Variants in SNTG1 observed in about 807,000 individuals in gnomAD.
SNTG1 encodes the protein syntrophin gamma 1, also known as gamma-1-syntrophin.
SNTG1 carries 39 observed loss-of-function variants against 74.7 expected under a neutral mutation model. The ratio of observed to expected loss-of-function variants is 0.52; its 90% CI spans 0.40 to 0.68. The LOEUF (loss-of-function observed/expected upper bound fraction) is 0.68. Ranked by LOEUF, SNTG1 falls within the 30% of genes least tolerant of loss-of-function variation. The probability of loss-of-function intolerance (pLI) is 0.00; values close to 1 mark genes in which losing one functional copy is unlikely to be tolerated. For missense variants in SNTG1, 685 were observed against 609.5 expected, an observed-to-expected ratio of 1.12 and a Z score of -1.30; for synonymous variants, 254 against 217.1, an observed-to-expected ratio of 1.17 and a Z score of -1.49.
chr8:49,967,648 A>C (rs1377113517), intron 1 of SNTG1, among the ~76,000 whole-genome samples: 2 of 152,216 alleles, frequency 1.3e-5, no homozygotes, highest in Non-Finnish European at 2.9e-5. Flanking sequence ...TGCCTTCACC[A>C]TAAGAGTGCC....
intron 12 of SNTG1, among the ~76,000 whole-genome samples, chr8:50,576,446 G>A (rs1179873566): frequency 6.6e-6 from 1 of 152,158 alleles, no homozygotes; most frequent in Admixed American, 6.5e-5. Context: ...GGCAATTCGG[G>A]AGGGCCCTTG....
intron 1 of SNTG1, among the ~76,000 whole-genome samples, chr8:50,065,663 C>T (rs1159677604): frequency 1.3e-5 from 2 of 152,088 alleles, no homozygotes; most frequent in Non-Finnish European, 2.9e-5. Flanking sequence ...AACCACTGAT[C>T]CAACAGAATG....
At chr8:50,701,028 AAAATCTTACATGAAGTCC>A (rs2095421819) in intron 15 of SNTG1, among the ~76,000 whole-genome samples, 1 of 152,212 alleles carries the variant, frequency 6.6e-6, no homozygotes, top group Non-Finnish European at 1.5e-5. Context: ...AAGAGAATAG[AAAATCTTACATGAAGTCC>A]ATTTTAAGAT....
intron 2 of SNTG1, among the ~76,000 whole-genome samples, chr8:50,316,945 T>G (rs2090339968): frequency 6.6e-6 from 1 of 152,216 alleles, no homozygotes; most frequent in South Asian, 2.1e-4. Context: ...ATAAATATGT[T>G]TTTAAATGAA....
intron 1 of SNTG1, among the ~76,000 whole-genome samples, chr8:50,103,446 T>G (rs2080230194): frequency 1.3e-5 from 2 of 152,330 alleles, no homozygotes; most frequent in South Asian, 4.1e-4. Context: ...CTTATCAGCT[T>G]AAGGAGATTT....
intron 2 of SNTG1, among the ~76,000 whole-genome samples, chr8:50,329,521 C>A (rs2090878653): frequency 6.6e-6 from 1 of 152,076 alleles, no homozygotes; most frequent in Non-Finnish European, 1.5e-5. Flanking sequence ...TTGGCCCTTG[C>A]ACCCTCTAAA....
chr8:49,998,197 G>A (rs1028416235), intron 1 of SNTG1, among the ~76,000 whole-genome samples: 12 of 151,976 alleles, frequency 7.9e-5, no homozygotes, highest in African/African-American at 2.7e-4. Context: ...GATCAATAAC[G>A]GTATGCTTAT....
Position 49,917,808 on chromosome 8 carries a change from C to A in SNTG1, c.-103+5577C>A, listed in dbSNP as rs149447910. Among the ~76,000 whole-genome samples the A allele has an allele frequency of 2.8e-3, 424 of 152,210 alleles. 1 individual carries two copies. The highest frequency in any genetic ancestry group is 9.9e-3 in the African/African-American group (412 of 41,528). On this transcript the variant is annotated intron_variant, in intron 1 of 18. Transcript: ENST00000642720. ...AAATGCCCTCAGGGTGCAGGCAGTT[C>A]ATGTAAGGAGGGAGGCTAGCCAGTG...
chr8:50,016,407 A>G (rs1816318006), intron 1 of SNTG1, among the ~76,000 whole-genome samples: 1 of 152,122 alleles, frequency 6.6e-6, no homozygotes, highest in African/African-American at 2.4e-5. Context: ...CCAAAGGACC[A>G]TAGAGTGGTC....
chr8:50,592,911 ATAGT>A (rs1294036043), intron 13 of SNTG1, among the ~76,000 whole-genome samples: 4 of 152,142 alleles, frequency 2.6e-5, no homozygotes, highest in South Asian at 2.1e-4. Flanking sequence ...GGATTAATTT[ATAGT>A]TAAACATTTA....
intron 8 of SNTG1, among the ~76,000 whole-genome samples, chr8:50,453,474 C>A (rs528420058): frequency 6.6e-6 from 1 of 152,286 alleles, no homozygotes; most frequent in East Asian, 1.9e-4. Context: ...GTGCCCAGCA[C>A]CGCTTGGCAT....
intron 11 of SNTG1, among the ~76,000 whole-genome samples, chr8:50,538,262 TTA>T (rs2094321600): frequency 6.6e-6 from 1 of 152,142 alleles, no homozygotes; most frequent in Non-Finnish European, 1.5e-5. Context: ...TCGGGTGGTA[TTA>T]TGAGTTTTGC....
At chr8:50,730,128 A>G (rs1228524579) in intron 17 of SNTG1, among the ~76,000 whole-genome samples, 1 of 152,220 alleles carries the variant, frequency 6.6e-6, no homozygotes, top group East Asian at 1.9e-4. Context: ...GTACAAATAT[A>G]CTTTGGAAAT....
rs186882434 is a variant in SNTG1, at chr8:49,962,851, C to T, written c.-103+50620C>T. On this transcript the variant is annotated intron_variant, in intron 1 of 18. Transcript: ENST00000642720. ...CAAGTTGTTCCACCTGCCTTGGCAT[C>T]CCAAGTTCTGGGATTATAGGCATGA... Among the ~76,000 whole-genome samples, 444 of 152,348 alleles carry T rather than the reference C, an allele frequency of 2.9e-3. 1 individual carries two copies. Among genetic ancestry groups the T allele is most frequent in the Non-Finnish European group, 4.4e-3 (301 of 68,034 alleles).
intron 16 of SNTG1, among the ~76,000 whole-genome samples, chr8:50,707,507 A>C (rs2095447275): frequency 6.6e-6 from 1 of 152,072 alleles, no homozygotes; most frequent in African/African-American, 2.4e-5. Flanking sequence ...CATTATTATA[A>C]TTTTTCTATG....
chr8:50,688,899 T>C (rs1240730112), intron 15 of SNTG1, among the ~76,000 whole-genome samples: 1 of 152,034 alleles, frequency 6.6e-6, no homozygotes, highest in East Asian at 1.9e-4. Flanking sequence ...GCATGGAATG[T>C]TCTCCCATTT....
chr8:50,075,686 C>T (rs1354062367), intron 1 of SNTG1, among the ~76,000 whole-genome samples: 1 of 152,160 alleles, frequency 6.6e-6, no homozygotes, highest in Admixed American at 6.5e-5. Context: ...CTCTTTGGGT[C>T]CGTACTGCCT....
At chr8:50,326,890 T>C (rs1281795048) in intron 2 of SNTG1, among the ~76,000 whole-genome samples, 4 of 152,138 alleles carry the variant, frequency 2.6e-5, no homozygotes, top group African/African-American at 7.2e-5. Flanking sequence ...GTGGCGTTTT[T>C]ATTTTTATTT....
At chr8:50,650,696 C>CATT (rs1554599615) in intron 13 of SNTG1, among the ~76,000 whole-genome samples, 1 of 151,822 alleles carries the variant, frequency 6.6e-6, no homozygotes, top group African/African-American at 2.4e-5. Flanking sequence ...TATTTCATTT[C>CATT]ATTTATTTAT....
Sources: gnomAD v4.1 joint callset for allele counts (sites outside exome capture counted in the v4.1 genomes callset) on GRCh38, gnomAD v4.1.1 for gene constraint, MANE v1.5 for transcripts, NCBI Gene and HGNC (gene_info 2026-07-23, HGNC 2026-07-21) for gene names.